PCNX2: variants seen among roughly 807,000 people sequenced by gnomAD.
PCNX2 encodes the protein pecanex 2.
PCNX2 carries 168 observed loss-of-function variants against 223.8 expected under a neutral mutation model. That is an observed-to-expected ratio of 0.75 (90% CI 0.66 to 0.85). The LOEUF is 0.85. Among genes scored for constraint, PCNX2 ranks in the 40% least tolerant of loss-of-function variants. PCNX2 has a pLI of 0.00. For synonymous variants in PCNX2, 1,006 were observed against 1,052.6 expected (o/e 0.96, Z 0.86); for missense variants, 2,507 against 2,675.5 (o/e 0.94, Z 1.39).
rs964601863 is a variant in PCNX2, at chr1:233,160,515, T to C, written c.3367-82A>G. Reference sequence around the variant, plus strand: ...GCCCATGAATAATACATAACATCACTGTCCTTCCACTTTTTCCTCTTAACG... The same window carrying C: ...GCCCATGAATAATACATAACATCACCGTCCTTCCACTTTTTCCTCTTAACG... On this transcript the variant is annotated intron_variant, in intron 18 of 33. Transcript: ENST00000258229. 2.0e-4 allele frequency: 291 copies of C among 1,427,660 alleles called. 1 individual carries two copies. Among genetic ancestry groups the C allele is most frequent in the Admixed American group, 1.8e-4 (9 of 50,824 alleles). 88.4% of individuals were successfully genotyped at this position (1,427,660 alleles called of 1,614,324 possible).
At chr1:233,208,390 C>G in intron 13 of PCNX2, 128 bp downstream of exon 13, 1 of 1,041,330 alleles carries the variant, frequency 9.6e-7, no homozygotes, top group Non-Finnish European at 1.4e-6. Context: ...GGTAGATATG[C>G]AAGCCAAGAG....
chr1:233,117,718 G>C (rs1675498031), intron 21 of PCNX2, among the ~76,000 whole-genome samples: 1 of 150,194 alleles, frequency 6.7e-6, no homozygotes, highest in African/African-American at 2.4e-5. Flanking sequence ...AAACAATTAA[G>C]AAGAATTATA....
chr1:233,075,349 TTTATATAACA>T (rs1673044829), intron 23 of PCNX2, among the ~76,000 whole-genome samples: 1 of 152,184 alleles, frequency 6.6e-6, no homozygotes, highest in African/African-American at 2.4e-5. Context: ...TAGGATTCCA[TTTATATAACA>T]TTCTTGGAAT....
chr1:233,311,064 G>T, the PCNX2 span, among the ~76,000 whole-genome samples: 1 of 152,110 alleles, frequency 6.6e-6, no homozygotes, highest in Non-Finnish European at 1.5e-5. Context: ...GCTCAGCCTG[G>T]GTCTCTGACT....
chr1:233,267,003 G>GTTT (rs112063659), intron 1 of PCNX2, among the ~76,000 whole-genome samples: 264 of 150,776 alleles, frequency 1.8e-3, no homozygotes, highest in African/African-American at 5.8e-3. Flanking sequence ...TCACTACTCT[G>GTTT]TTTTTTTTTC....
intron 26 of PCNX2, among the ~76,000 whole-genome samples, chr1:233,020,737 G>C (rs546736590): frequency 2.0e-5 from 3 of 152,184 alleles, no homozygotes; most frequent in Non-Finnish European, 4.4e-5. Flanking sequence ...ACTGCTAAGC[G>C]GGTTTTAAAC....
At chr1:233,049,110 G>C (rs899988477) in intron 25 of PCNX2, among the ~76,000 whole-genome samples, 1 of 152,104 alleles carries the variant, frequency 6.6e-6, no homozygotes, top group Non-Finnish European at 1.5e-5. Flanking sequence ...AAACTGAGGA[G>C]GAGGGACTCC....
At chr1:233,036,710 T>G (rs563292500) in intron 25 of PCNX2, among the ~76,000 whole-genome samples, 2 of 152,318 alleles carry the variant, frequency 1.3e-5, no homozygotes, top group South Asian at 4.1e-4. Flanking sequence ...ATGCAGAGAT[T>G]TTCTAGGTCT....
intron 21 of PCNX2, among the ~76,000 whole-genome samples, chr1:233,109,496 G>A (rs905874951): frequency 5.3e-5 from 8 of 152,192 alleles, no homozygotes; most frequent in Non-Finnish European, 7.3e-5. Flanking sequence ...AAAAAGTCAA[G>A]TGGAAATGAT....
In PCNX2 at chr1:232,984,302, C is replaced by T. The variant is rs374850506; in HGVS notation, c.*2G>A. On this transcript the variant is annotated 3_prime_UTR_variant, in exon 34 of 34. Coordinates refer to ENST00000258229, the MANE Select transcript of PCNX2 (RefSeq NM_014801.4). ...CAGCCTCCCCGCCCGGCCGCACGCC[C>T]GTCACTGCTCGTCTGACACACTTTG... 212 of 1,598,118 alleles carry T rather than the reference C, an allele frequency of 1.3e-4. No homozygotes were observed. The highest frequency in any genetic ancestry group is 1.7e-4 in the Non-Finnish European group (197 of 1,172,624).
intron 19 of PCNX2, among the ~76,000 whole-genome samples, chr1:233,146,248 T>A (rs1677439714): frequency 6.6e-6 from 1 of 152,108 alleles, no homozygotes; most frequent in South Asian, 2.1e-4. Context: ...TTGTTAAGGG[T>A]AGGTACTATG....
chr1:233,213,881 T>G (rs1260831407), intron 12 of PCNX2, among the ~76,000 whole-genome samples: 1 of 127,282 alleles, frequency 7.9e-6, no homozygotes, highest in Admixed American at 1.0e-4. Context: ...AGGGCTGGAG[T>G]GTAGTGGCGC....
chr1:233,235,312 G>C (rs938636800), intron 9 of PCNX2, among the ~76,000 whole-genome samples: 1 of 152,152 alleles, frequency 6.6e-6, no homozygotes, highest in African/African-American at 2.4e-5. Context: ...TTTTGAGAGA[G>C]GATCTCACTC....
chr1:233,307,290 C>G, the PCNX2 span, among the ~76,000 whole-genome samples: 3 of 152,170 alleles, frequency 2.0e-5, no homozygotes, highest in Non-Finnish European at 4.4e-5. Flanking sequence ...GAAGGCAGAT[C>G]CCTCATGAAT....
At chr1:233,173,340 A>G (rs1296062697) in intron 17 of PCNX2, among the ~76,000 whole-genome samples, 1 of 151,944 alleles carries the variant, frequency 6.6e-6, no homozygotes, top group Non-Finnish European at 1.5e-5. Flanking sequence ...CTAATTTTGT[A>G]TTTTTAGTAG....
intron 31 of PCNX2, among the ~76,000 whole-genome samples, 191 bp from the exon 32 acceptor site, chr1:232,998,629 C>T (rs941043599): frequency 2.6e-5 from 4 of 152,142 alleles, no homozygotes; most frequent in African/African-American, 9.7e-5. Context: ...CAGACTGCAC[C>T]AGGATGAATG....
intron 10 of PCNX2, among the ~76,000 whole-genome samples, chr1:233,226,454 G>C (rs1657725873): frequency 6.6e-6 from 1 of 152,142 alleles, no homozygotes; most frequent in South Asian, 2.1e-4. Context: ...ATTTTTAGTA[G>C]AGATAGGATT....
At chr1:233,264,137 C>T (rs899911387) in intron 1 of PCNX2, among the ~76,000 whole-genome samples, 5 of 152,116 alleles carry the variant, frequency 3.3e-5, no homozygotes, top group Non-Finnish European at 5.9e-5. Flanking sequence ...CACTGGGACC[C>T]GTGGAGTTGT....
At chr1:233,207,931 T>C (rs1332088412) in intron 13 of PCNX2, among the ~76,000 whole-genome samples, 1 of 152,076 alleles carries the variant, frequency 6.6e-6, no homozygotes, top group East Asian at 1.9e-4. Context: ...GCAGGCACCG[T>C]AACAACCATT....
Sources: allele counts gnomAD v4.1 joint callset (sites outside exome capture counted in the v4.1 genomes callset), GRCh38; gene constraint gnomAD v4.1.1; transcripts MANE v1.5; gene names NCBI Gene and HGNC (gene_info 2026-07-23, HGNC 2026-07-21).